LCOR: variants seen among roughly 807,000 people sequenced by gnomAD.
LCOR encodes the protein ligand-dependent corepressor.
LCOR carries 14 observed loss-of-function variants against 64.4 expected under a neutral mutation model. The ratio of observed to expected loss-of-function variants is 0.22; its 90% CI spans 0.14 to 0.34. LCOR has a LOEUF of 0.34. LCOR is among the 10% of genes least tolerant of loss of function. The probability of loss-of-function intolerance (pLI) is 1.00; values close to 1 mark genes in which losing one functional copy is unlikely to be tolerated. For missense variants in LCOR, 1,686 were observed against 1,765.3 expected, an observed-to-expected ratio of 0.96 and a Z score of 0.80; for synonymous variants, 643 against 642.5, an observed-to-expected ratio of 1.00 and a Z score of -0.01.
chr10:96,908,995 G>A (rs1414135357), intron 4 of LCOR, among the ~76,000 whole-genome samples: 4 of 152,026 alleles, frequency 2.6e-5, no homozygotes, highest in Non-Finnish European at 5.9e-5. Context: ...GATTACAGGC[G>A]TGAGCCACCG....
chr10:96,911,928 TTTTC>T (rs546567995), intron 4 of LCOR, among the ~76,000 whole-genome samples: 25 of 152,252 alleles, frequency 1.6e-4, no homozygotes, highest in East Asian at 7.7e-4. Context: ...GAGGCTTTTC[TTTTC>T]TTTCTTTCTT....
chr10:96,922,851 C>T (rs1847103643), intron 4 of LCOR, among the ~76,000 whole-genome samples: 1 of 152,092 alleles, frequency 6.6e-6, no homozygotes, highest in Admixed American at 6.5e-5. Flanking sequence ...TATATATTGA[C>T]AAGAGTCATT....
chr10:96,881,726 G>C (rs1466896269), intron 2 of LCOR, among the ~76,000 whole-genome samples: 1 of 152,112 alleles, frequency 6.6e-6, no homozygotes, highest in African/African-American at 2.4e-5. Context: ...CAAAGTGTTG[G>C]TATTACAGGC....
chr10:96,952,851 A>G (rs1222471536), intron 7 of LCOR, among the ~76,000 whole-genome samples: 1 of 152,226 alleles, frequency 6.6e-6, no homozygotes, highest in Non-Finnish European at 1.5e-5. Context: ...TAATATTAAG[A>G]CATTTAGATA....
At chr10:96,844,939 A>G (rs1845601699) in intron 2 of LCOR, among the ~76,000 whole-genome samples, 4 of 152,198 alleles carry the variant, frequency 2.6e-5, no homozygotes, top group Non-Finnish European at 5.9e-5. Flanking sequence ...AGGTTAAAGC[A>G]GATTGAGGTC....
At chr10:96,860,835 A>G (rs1361369687) in intron 2 of LCOR, among the ~76,000 whole-genome samples, 1 of 152,196 alleles carries the variant, frequency 6.6e-6, no homozygotes, top group Non-Finnish European at 1.5e-5. Flanking sequence ...AGTGTGTCCT[A>G]CTCAGCAGTC....
intron 2 of LCOR, among the ~76,000 whole-genome samples, chr10:96,894,162 G>A (rs1280884371): frequency 6.6e-6 from 1 of 152,120 alleles, no homozygotes; most frequent in African/African-American, 2.4e-5. Context: ...CATGATCTCA[G>A]CTCACTGCAA....
intron 4 of LCOR, chr10:96,915,900 C>T (rs1846933179): frequency 1.8e-5 from 8 of 432,480 alleles, no homozygotes; most frequent in Non-Finnish European, 3.5e-5. Context: ...TTTCTCTAGG[C>T]ATATTGGCAG....
At chr10:96,967,210 A>T (rs1234715400) in intron 7 of LCOR, among the ~76,000 whole-genome samples, 1 of 151,862 alleles carries the variant, frequency 6.6e-6, no homozygotes, top group Non-Finnish European at 1.5e-5. Flanking sequence ...GCTCACTGTA[A>T]CCTCCACTTC....
Position 96,993,565 on chromosome 10 carries a change from G to A in LCOR, c.*8431G>A, listed in dbSNP as rs940361447. The A allele has an allele frequency of 2.0e-5, 3 of 152,008 alleles. No individual in the cohort carries two copies. Among genetic ancestry groups the A allele is most frequent in the Non-Finnish European group, 4.4e-5 (3 of 68,002 alleles). The allele number at this position is 152,008 out of a possible 1,614,324, so 9.4% of individuals were successfully genotyped here. On this transcript the variant is annotated 3_prime_UTR_variant, in exon 8 of 8. Transcript: ENST00000421806. Reference sequence around the variant, plus strand: ...TATACAAATTCATGTTCTGAGTGATGTTGGTTTGCATTGTAGTATTATAGA... The same window carrying A: ...TATACAAATTCATGTTCTGAGTGATATTGGTTTGCATTGTAGTATTATAGA...
chr10:96,851,110 T>A (rs1845715442), intron 2 of LCOR, among the ~76,000 whole-genome samples: 1 of 152,210 alleles, frequency 6.6e-6, no homozygotes, highest in African/African-American at 2.4e-5. Context: ...AAGGCGTGGA[T>A]CACGAGGGAC....
chr10:96,867,643 C>T (rs376205504), intron 2 of LCOR, among the ~76,000 whole-genome samples: 1 of 152,158 alleles, frequency 6.6e-6, no homozygotes, highest in South Asian at 2.1e-4. Flanking sequence ...TCTGTAATCC[C>T]TTTGGGAGGC....
intron 2 of LCOR, among the ~76,000 whole-genome samples, chr10:96,890,964 A>G (rs116703434): frequency 0.055 from 8,298 of 152,202 alleles, 765 homozygotes; most frequent in African/African-American, 0.19. Context: ...GGATTCTTGC[A>G]TCTCTATTCG....
intron 4 of LCOR, among the ~76,000 whole-genome samples, chr10:96,930,247 C>T (rs1176923361): frequency 6.6e-6 from 1 of 152,164 alleles, no homozygotes; most frequent in Non-Finnish European, 1.5e-5. Flanking sequence ...ATCTATATGT[C>T]TGTCCTTACA....
At position 96,981,593 on chromosome 10, in the gene LCOR, G is replaced by A. The variant is rs200185687; in HGVS notation, c.1133G>A (p.Arg378His). The A allele has an allele frequency of 1.2e-4, 196 of 1,614,042 alleles. No individual in the cohort carries two copies. The highest frequency in any genetic ancestry group is 1.5e-4 in the Non-Finnish European group (181 of 1,180,030). Residue 378 changes from arginine to histidine, a missense_variant, in exon 8 of 8, where the codon CGC becomes CAC. Transcript: ENST00000421806. ...NTLQCPKTPL[R>H]QDLEANEQDA... is the part of the protein sequence containing the mutation. ...TTACAGTGTCCAAAAACACCTTTGC[G>A]CCAGGATTTAGAGGCAAATGAACAA...
At chr10:96,908,937 G>A (rs1054520619) in intron 4 of LCOR, among the ~76,000 whole-genome samples, 4 of 151,684 alleles carry the variant, frequency 2.6e-5, no homozygotes, top group Admixed American at 6.6e-5. Context: ...GGATGGTCTC[G>A]ATCTCCTGAC....
chr10:96,907,464 T>C (rs984196774), intron 3 of LCOR, 134 bp downstream of exon 3: 1 of 212,666 alleles, frequency 4.7e-6, no homozygotes, highest in Admixed American at 6.5e-5. Context: ...CATCTTTTTG[T>C]GTTTAGTTGA....
At chr10:96,837,507 G>A (rs1253166604) in intron 2 of LCOR, among the ~76,000 whole-genome samples, 1 of 151,966 alleles carries the variant, frequency 6.6e-6, no homozygotes, top group Non-Finnish European at 1.5e-5. Flanking sequence ...CCACCACCTC[G>A]GCCTCCCAAA....
intron 2 of LCOR, among the ~76,000 whole-genome samples, chr10:96,872,088 A>G (rs1422518721): frequency 6.6e-6 from 1 of 152,228 alleles, no homozygotes; most frequent in African/African-American, 2.4e-5. Context: ...CTAAAATACT[A>G]GCCCTGTAGC....
Sources: gnomAD v4.1 joint callset for allele counts (sites outside exome capture counted in the v4.1 genomes callset) on GRCh38, gnomAD v4.1.1 for gene constraint, MANE v1.5 for transcripts, NCBI Gene and HGNC (gene_info 2026-07-23, HGNC 2026-07-21) for gene names.